Variants in TMEM132C observed in about 807,000 individuals in gnomAD.
TMEM132C encodes transmembrane protein 132C.
TMEM132C carries 29 observed loss-of-function variants against 61.4 expected under a neutral mutation model. That is an observed-to-expected ratio of 0.47 (90% CI 0.35 to 0.64). TMEM132C has a LOEUF of 0.64. Among genes scored for constraint, TMEM132C ranks in the 30% least tolerant of loss-of-function variants. The pLI is 0.00. For synonymous variants in TMEM132C, 656 were observed against 633.1 expected, an observed-to-expected ratio of 1.04 and a Z score of -0.54; for missense variants, 1,408 against 1,476.9, an observed-to-expected ratio of 0.95 and a Z score of 0.76.
chr12:128,571,128 G>A (rs1874864918), intron 3 of TMEM132C, among the ~76,000 whole-genome samples: 1 of 151,986 alleles, frequency 6.6e-6, no homozygotes, highest in African/African-American at 2.4e-5. Context: ...TACCAGACAA[G>A]GCCAAAAAAA....
At chr12:128,703,346 T>C (rs1429875365) in intron 8 of TMEM132C, among the ~76,000 whole-genome samples, 2 of 152,178 alleles carry the variant, frequency 1.3e-5, no homozygotes, top group East Asian at 3.9e-4. Flanking sequence ...CCCCTCTATC[T>C]GTCCATGTGT....
intron 3 of TMEM132C, among the ~76,000 whole-genome samples, chr12:128,583,388 T>G: frequency 8.9e-6 from 1 of 112,366 alleles, no homozygotes; most frequent in Non-Finnish European, 2.2e-5. Context: ...TGCAGAATAT[T>G]GGTCAAAAAA....
intron 1 of TMEM132C, chr12:128,294,313 AC>A (rs993666097): frequency 6.6e-6 from 1 of 152,360 alleles, no homozygotes; most frequent in Non-Finnish European, 1.5e-5. Flanking sequence ...ACTGGGGCTT[AC>A]CAAATCTGCA....
In TMEM132C at chr12:128,267,321, G is replaced by T; in HGVS notation, c.-82G>T. 1.1e-6 allele frequency: 1 copy of T among 891,554 alleles called. No individual in the cohort carries two copies. Among genetic ancestry groups the T allele is most frequent in the South Asian group, 4.9e-5 (1 of 20,344 alleles). 55.2% of individuals were successfully genotyped at this position (891,554 alleles called of 1,614,324 possible). ...CGACCGGGCTGCGGGAGTGGCCCCG[G>T]GCATGGGGCGGCCGGCGGGGGCCGC... On this transcript the variant is annotated 5_prime_UTR_variant, in exon 1 of 9. Transcript: ENST00000435159.
chr12:128,429,841 G>T (rs1029214479), intron 2 of TMEM132C, among the ~76,000 whole-genome samples: 1 of 152,112 alleles, frequency 6.6e-6, no homozygotes, highest in Non-Finnish European at 1.5e-5. Flanking sequence ...CCCAAAACAG[G>T]GTGCCCAGGC....
intron 1 of TMEM132C, among the ~76,000 whole-genome samples, chr12:128,353,031 A>T (rs1179435090): frequency 6.6e-6 from 1 of 152,198 alleles, no homozygotes; most frequent in East Asian, 1.9e-4. Context: ...TTTCTGTCCC[A>T]TACTTGGCTA....
intron 4 of TMEM132C, among the ~76,000 whole-genome samples, chr12:128,618,749 T>G (rs1167385656): frequency 6.6e-6 from 1 of 152,178 alleles, no homozygotes; most frequent in East Asian, 1.9e-4. Flanking sequence ...TCTGCCATGA[T>G]TGTGAGACCT....
At chr12:128,484,100 C>T (rs190198624) in intron 2 of TMEM132C, among the ~76,000 whole-genome samples, 23 of 152,246 alleles carry the variant, frequency 1.5e-4, no homozygotes, top group African/African-American at 3.6e-4. Flanking sequence ...AACATAAAGC[C>T]GGGCTTTGGT....
chr12:128,647,492 C>T (rs1464422514), intron 4 of TMEM132C, among the ~76,000 whole-genome samples: 1 of 150,710 alleles, frequency 6.6e-6, no homozygotes, highest in Non-Finnish European at 1.5e-5. Context: ...AGTGTGCTTA[C>T]TAGATCCCAT....
Position 128,407,598 on chromosome 12 carries a change from G to T in TMEM132C, c.86-7134G>T, listed in dbSNP as rs536810392. 5.9e-5 allele frequency among the ~76,000 whole-genome samples: 9 copies of T among 152,244 alleles called. No individual in the cohort carries two copies. In the South Asian group the frequency reaches 1.7e-3, roughly 28 times the overall value. ...ATGCAGGATGGCCTCAGCTGGGATC[G>T]CACCGCTCGCCTCCACATGGTCTCT... On this transcript the variant is annotated intron_variant, in intron 1 of 8. Coordinates refer to ENST00000435159, the MANE Select transcript of TMEM132C (RefSeq NM_001136103.3).
Position 128,706,167 on chromosome 12 carries a change from AGCTGCCC to A in TMEM132C, c.3200_3206del (p.Ser1067ThrfsTer3). Reference sequence around the variant, plus strand: ...CTTTACCACCATCCCCCCGGACGACAGCTGCCCCACGGTGAACTCCATCGTCAGCAGC... The same window carrying A: ...CTTTACCACCATCCCCCCGGACGACACACGGTGAACTCCATCGTCAGCAGC... On this transcript the variant is annotated frameshift_variant, in exon 9 of 9. Transcript: ENST00000435159. LOFTEE classifies it low-confidence loss of function (END_TRUNC). The A allele has an allele frequency of 1.9e-6, 3 of 1,551,596 alleles. No homozygotes were observed. Among genetic ancestry groups the A allele is most frequent in the East Asian group, 2.4e-5 (1 of 40,908 alleles).
intron 2 of TMEM132C, among the ~76,000 whole-genome samples, chr12:128,500,972 G>T (rs548178412): frequency 1.1e-4 from 17 of 152,160 alleles, no homozygotes; most frequent in African/African-American, 3.6e-4. Flanking sequence ...AGCCAAATTT[G>T]GAATAGCCAT....
chr12:128,487,889 G>T (rs1871559834), intron 2 of TMEM132C, among the ~76,000 whole-genome samples: 1 of 152,136 alleles, frequency 6.6e-6, no homozygotes, highest in Admixed American at 6.6e-5. Context: ...TGTCAATGAA[G>T]TACTCACTAG....
chr12:128,427,428 G>GTGTGTGTA (rs1359402190), intron 2 of TMEM132C, among the ~76,000 whole-genome samples: 3,924 of 128,856 alleles, frequency 0.03, 77 homozygotes, highest in South Asian at 0.055. Flanking sequence ...GTGTGTGTGT[G>GTGTGTGTA]TATATATATT....
chr12:128,646,161 T>G (rs1049412897), intron 4 of TMEM132C, among the ~76,000 whole-genome samples: 5 of 151,890 alleles, frequency 3.3e-5, no homozygotes, highest in Non-Finnish European at 7.4e-5. Context: ...TTTACTGGAG[T>G]CCATCAGCAT....
At chr12:128,632,512 A>G (rs577847282) in intron 4 of TMEM132C, among the ~76,000 whole-genome samples, 88 of 152,334 alleles carry the variant, frequency 5.8e-4, no homozygotes, top group Non-Finnish European at 9.4e-4. Context: ...TATTAGTATT[A>G]TGCTAGTTTC....
intron 2 of TMEM132C, among the ~76,000 whole-genome samples, chr12:128,538,404 A>G (rs941414305): frequency 2.0e-5 from 3 of 152,038 alleles, no homozygotes; most frequent in African/African-American, 7.2e-5. Context: ...GATTACAGGC[A>G]TGGGTCACCG....
In TMEM132C at chr12:128,403,972, T is replaced by C. The variant is rs555338727; in HGVS notation, c.86-10760T>C. ...ACATTGTAGGCTGGATAATTATTTG[T>C]GGTGGGGGCACTGTCTTGTGCATTG... On this transcript the variant is annotated intron_variant, in intron 1 of 8. Coordinates refer to ENST00000435159, the MANE Select transcript of TMEM132C (RefSeq NM_001136103.3). Among the ~76,000 whole-genome samples, 53 of 152,356 alleles carry C rather than the reference T, an allele frequency of 3.5e-4. No individual in the cohort carries two copies. The South Asian group carries it at 0.011, about 31-fold the overall frequency.
At chr12:128,496,935 GCT>G (rs778797348) in intron 2 of TMEM132C, among the ~76,000 whole-genome samples, 41 of 152,298 alleles carry the variant, frequency 2.7e-4, no homozygotes, top group Non-Finnish European at 5.6e-4. Context: ...CAGCTTTTCT[GCT>G]CTGTTTTTTC....
Sources: gnomAD v4.1 joint callset for allele counts (sites outside exome capture counted in the v4.1 genomes callset) on GRCh38, gnomAD v4.1.1 for gene constraint, MANE v1.5 for transcripts, NCBI Gene and HGNC (gene_info 2026-07-23, HGNC 2026-07-21) for gene names.